MACF1: variants seen among roughly 807,000 people sequenced by gnomAD.
MACF1 encodes microtubule actin crosslinking factor 1, also known as microtubule-actin cross-linking factor 1.
MACF1 carries 193 observed loss-of-function variants against 854.8 expected under a neutral mutation model. That is an observed-to-expected ratio of 0.23 (90% CI 0.20 to 0.25). The LOEUF is 0.25. MACF1 is among the 10% of genes least tolerant of loss of function. MACF1 has a pLI of 1.00. For synonymous variants in MACF1, 3,185 were observed against 3,226.7 expected, an observed-to-expected ratio of 0.99 and a Z score of 0.44; for missense variants, 7,722 against 8,929.1, an observed-to-expected ratio of 0.86 and a Z score of 5.45.
At chr1:39,188,930 G>T (rs963723941) in intron 2 of MACF1, among the ~76,000 whole-genome samples, 3 of 152,158 alleles carry the variant, frequency 2.0e-5, no homozygotes, top group Admixed American at 6.5e-5. Context: ...TAGAGGCGGG[G>T]TTTCACCATG....
rs758704739 is a variant in MACF1, at chr1:39,439,407, G to A, written c.18354G>A (p.Leu6118=). The A allele has an allele frequency of 6.2e-7, 1 of 1,614,108 alleles. No individual in the cohort carries two copies. The highest frequency in any genetic ancestry group is 1.1e-5 in the South Asian group (1 of 91,064). The change falls in exon 72 of 101, where the codon CTG becomes CTA. Residue 6118 remains leucine (L), a synonymous_variant. Coordinates refer to ENST00000564288, the MANE Select transcript of MACF1 (RefSeq NM_001394062.1). ...EKFWYDMAAL[L]TTIKDTQDIV... is the part of the protein sequence containing the mutation. ...TCTGGTATGACATGGCAGCTCTCCT[G>A]ACCACCATCAAAGACACCCAGGATA...
At chr1:39,130,857 T>TC (rs1274505150) in intron 2 of MACF1, among the ~76,000 whole-genome samples, 1 of 151,884 alleles carries the variant, frequency 6.6e-6, no homozygotes, top group Non-Finnish European at 1.5e-5. Context: ...TTTTTTTTTT[T>TC]CGAGATGGAG....
At chr1:39,406,021 C>A (rs759112014) in intron 58 of MACF1, among the ~76,000 whole-genome samples, 6 of 152,092 alleles carry the variant, frequency 3.9e-5, no homozygotes, top group Non-Finnish European at 8.8e-5. Flanking sequence ...AAAATTAAGA[C>A]ATGGAGGAGA....
At chr1:39,256,250 G>T (rs1476927478) in intron 5 of MACF1, among the ~76,000 whole-genome samples, 3 of 152,148 alleles carry the variant, frequency 2.0e-5, no homozygotes, top group African/African-American at 7.2e-5. Context: ...ACAATGAAAG[G>T]GGAAGGCTGA....
At chr1:39,236,784 C>T (rs950343841) in intron 2 of MACF1, among the ~76,000 whole-genome samples, 4 of 152,134 alleles carry the variant, frequency 2.6e-5, no homozygotes, top group African/African-American at 9.7e-5. Flanking sequence ...GCCTCAGCCT[C>T]CTGAGTAGCT....
At position 39,462,179 on chromosome 1, in the gene MACF1, T is replaced by C. The variant is rs141382462; in HGVS notation, c.21678+142T>C. The C allele has an allele frequency of 1.2e-5, 10 of 808,676 alleles. No individual in the cohort carries two copies. The East Asian group carries it at 2.4e-4, about 20-fold the overall frequency. The allele number at this position is 808,676 out of a possible 1,614,324, so 50.1% of individuals were successfully genotyped here. Reference sequence around the variant, plus strand: ...TTGGAGTTCTATTTTGAGATCTCTTTTTGGATAGCATTTCAAAGAGTCCCA... The same window carrying C: ...TTGGAGTTCTATTTTGAGATCTCTTCTTGGATAGCATTTCAAAGAGTCCCA... On this transcript the variant is annotated intron_variant, in intron 93 of 100. Transcript: ENST00000564288.
In MACF1 at chr1:39,453,815, C is replaced by T. The variant is rs1644384184; in HGVS notation, c.20851C>T (p.His6951Tyr). Residue 6951 changes from histidine to tyrosine, a missense_variant, in exon 88 of 101, where the codon CAC becomes TAC. Physicochemically the swap from His to Tyr is moderately conservative, Grantham distance 83. Coordinates refer to ENST00000564288, the MANE Select transcript of MACF1 (RefSeq NM_001394062.1). ...CHPDCITTIK[H>Y]WITIIRARFE... The stretch of plus-strand genomic sequence containing the variant: ...CCCCGATTGCATCACAACCATCAAA[C>T]ACTGGATCACCATCATCCGAGCTCG... 2 of 1,614,094 alleles carry T rather than the reference C, an allele frequency of 1.2e-6. No individual in the cohort carries two copies. Among genetic ancestry groups the T allele is most frequent in the Non-Finnish European group, 1.7e-6 (2 of 1,180,044 alleles).
At position 39,459,153 on chromosome 1, in the gene MACF1, A is replaced by T; in HGVS notation, c.21264A>T (p.Pro7088=). 9 of 1,614,164 alleles carry T rather than the reference A, an allele frequency of 5.6e-6. No homozygotes were observed. The highest frequency in any genetic ancestry group is 7.6e-6 in the Non-Finnish European group (9 of 1,180,026). ...TTTCACAGTCTGAAGCAAAAAACCCACGGATCAACCAGCTTTCTGCCCGCT... is the reference window on the plus strand; with the variant it reads ...TTTCACAGTCTGAAGCAAAAAACCCTCGGATCAACCAGCTTTCTGCCCGCT... ...PILSQSEAKN[P]RINQLSARWQ... Residue 7088 remains proline, a synonymous_variant, in exon 91 of 101, where the codon CCA becomes CCT. Coordinates refer to ENST00000564288, the MANE Select transcript of MACF1 (RefSeq NM_001394062.1).
At chr1:39,338,589 C>T (rs1190396445) in intron 38 of MACF1, among the ~76,000 whole-genome samples, 1 of 152,212 alleles carries the variant, frequency 6.6e-6, no homozygotes, top group Non-Finnish European at 1.5e-5. Context: ...TTGTGCTGTG[C>T]TCTAACGAAA....
In MACF1 at chr1:39,350,795, A is replaced by C. The variant is rs762185109; in HGVS notation, c.10976A>C (p.Asp3659Ala). ...KNQSDLKDLQ[D>A]DIQNRATSFA... Reference sequence around the variant, plus strand: ...TTTTCTTGTGTTAAGGATTTACAGGATGACATTCAGAATCGTGCCACCTCA... The same window carrying C: ...TTTTCTTGTGTTAAGGATTTACAGGCTGACATTCAGAATCGTGCCACCTCA... Residue 3659 changes from aspartate (D) to alanine (A), a missense_variant, in exon 43 of 101, where the codon GAT (aspartate) becomes GCT (alanine). Around this residue, in one of 15 missense-constraint regions of MACF1, gnomAD observed 2,807 missense variants for 3,235.8 expected, o/e 0.87. Transcript: ENST00000564288. The C allele has an allele frequency of 3.1e-6, 5 of 1,613,576 alleles. No individual in the cohort carries two copies. The highest frequency in any genetic ancestry group is 4.2e-6 in the Non-Finnish European group (5 of 1,179,544).
rs1263152705 is a variant in MACF1, at chr1:39,452,784, C to T, written c.20714C>T (p.Ala6905Val). The T allele has an allele frequency of 1.9e-6, 3 of 1,613,990 alleles. No individual in the cohort carries two copies. The highest frequency in any genetic ancestry group is 2.5e-6 in the Non-Finnish European group (3 of 1,180,006). The change falls in exon 87 of 101, where the codon GCC becomes GTC. Residue 6905 changes from alanine (A) to valine (V), a missense_variant. Transcript: ENST00000564288. The part of the protein sequence containing the change: ...FRGALPDDTE[A>V]LQSLIDTHKE... ...GGAGCACTTCCTGATGACACAGAGGCCCTGCAGTCTCTCATTGACACCCAT... is the reference window on the plus strand; with the variant it reads ...GGAGCACTTCCTGATGACACAGAGGTCCTGCAGTCTCTCATTGACACCCAT...
intron 2 of MACF1, among the ~76,000 whole-genome samples, chr1:39,195,999 C>G (rs1644314742): frequency 6.6e-6 from 1 of 152,076 alleles, no homozygotes; most frequent in Admixed American, 6.5e-5. Flanking sequence ...GTTTGCTGCT[C>G]CTCCAAATAA....
Position 39,257,980 on chromosome 1 carries a change from C to T in MACF1, c.480C>T (p.Asn160=). Residue 160 remains asparagine (N), a synonymous_variant, in exon 6 of 101, where the codon AAC becomes AAT. Transcript: ENST00000564288. ...NIRNDDITDG[N]PKLTLGLIWT... The stretch of plus-strand genomic sequence containing the variant: ...GCAATGATGACATCACAGATGGCAA[C>T]CCCAAGTTGACCCTGGGTCTGATCT... The T allele has an allele frequency of 1.2e-6, 2 of 1,614,072 alleles. No homozygotes were observed. Among genetic ancestry groups the T allele is most frequent in the Non-Finnish European group, 1.7e-6 (2 of 1,179,982 alleles).
intron 44 of MACF1, 93 bp from the exon 45 acceptor site, chr1:39,357,282 T>C: frequency 4.4e-6 from 6 of 1,355,054 alleles, no homozygotes; most frequent in Non-Finnish European, 5.1e-6. Flanking sequence ...TAAGCAGACC[T>C]CACATGGAGT....
Position 39,422,766 on chromosome 1 carries a change from T to C in MACF1, c.16015T>C (p.Leu5339=). 6.2e-7 allele frequency: 1 copy of C among 1,614,254 alleles called. No homozygotes were observed. Among genetic ancestry groups the C allele is most frequent in the East Asian group, 2.2e-5 (1 of 44,888 alleles). ...AATTGCACAGCTACAGGAAGCTTTG[T>C]TGCATTGTGGGAAGTTTCAAGATGC... ...QRIAQLQEAL[L]HCGKFQDALE... is the part of the protein sequence containing the mutation. The change falls in exon 60 of 101, where the codon TTG becomes CTG. Residue 5339 remains leucine, a synonymous_variant. Coordinates refer to ENST00000564288, the MANE Select transcript of MACF1 (RefSeq NM_001394062.1).
intron 94 of MACF1, 23 bp from the exon 95 acceptor site, chr1:39,465,072 C>T (rs1275387815): frequency 6.2e-7 from 1 of 1,609,376 alleles, no homozygotes; most frequent in Non-Finnish European, 8.5e-7. Context: ...TTTCCTCCAT[C>T]CTTTACTCTT....
upstream of MACF1, among the ~76,000 whole-genome samples, chr1:39,200,981 A>G (rs77544773): frequency 4.8e-3 from 735 of 152,266 alleles, 5 homozygotes; most frequent in African/African-American, 0.017. Context: ...ATTCAAAAGG[A>G]CATTTCTACC....
chr1:39,295,931 A>G (rs1464014099), intron 20 of MACF1, 49 bp downstream of exon 20: 20 of 1,522,776 alleles, frequency 1.3e-5, no homozygotes, highest in Non-Finnish European at 1.8e-5. Flanking sequence ...TGTATGTTAA[A>G]GGTGAGGTTA....
intron 2 of MACF1, among the ~76,000 whole-genome samples, chr1:39,157,252 GAGCCACCACACCC>G (rs1643710215): frequency 6.6e-6 from 1 of 152,190 alleles, no homozygotes; most frequent in Non-Finnish European, 1.5e-5. Context: ...TTACAGGTGT[GAGCCACCACACCC>G]AGCCCCTTTC....
Sources: gnomAD v4.1 joint callset for allele counts (sites outside exome capture counted in the v4.1 genomes callset) on GRCh38, gnomAD v4.1.1 for gene constraint, gnomAD v4.1.1 regional missense constraint, MANE v1.5 for transcripts, NCBI Gene and HGNC (gene_info 2026-07-23, HGNC 2026-07-21) for gene names.